AHSG: variants seen among roughly 807,000 people sequenced by gnomAD.
AHSG encodes the protein alpha 2-HS glycoprotein.
In AHSG, 23 loss-of-function variants were observed where a neutral mutation model predicts 30.1. The ratio of observed to expected loss-of-function variants is 0.76; its 90% CI spans 0.55 to 1.08. AHSG has a LOEUF of 1.08. Ranked by LOEUF, AHSG falls within the 50% of genes least tolerant of loss-of-function variation. The pLI is 0.00. For synonymous variants in AHSG, 164 were observed against 186.3 expected (o/e 0.88, Z 0.98); for missense variants, 469 against 459.5 (o/e 1.02, Z -0.19).
In AHSG at chr3:186,613,069, C is replaced by T. The variant is rs1716186640; in HGVS notation, c.-73C>T. 1.4e-6 allele frequency: 2 copies of T among 1,411,474 alleles called. No individual in the cohort carries two copies. The highest frequency in any genetic ancestry group is 4.7e-5 in the East Asian group (2 of 42,568). The allele number at this position is 1,411,474 out of a possible 1,614,324, so 87.4% of individuals were successfully genotyped here. ...ACCACCCTCCATGGGTCTACCTTTC[C>T]CAGCAGAGCACCTGGGTTGGTCCCG... On this transcript the variant is annotated 5_prime_UTR_variant, in exon 1 of 7. Transcript: ENST00000411641.
At chr3:186,616,872 G>C (rs1017270121) in intron 3 of AHSG, among the ~76,000 whole-genome samples, 1 of 152,180 alleles carries the variant, frequency 6.6e-6, no homozygotes, top group African/African-American at 2.4e-5. Context: ...TGAGGCAGGA[G>C]AATCGCTTGA....
intron 3 of AHSG, among the ~76,000 whole-genome samples, chr3:186,616,941 GAC>G (rs1189303378): frequency 6.6e-6 from 1 of 152,212 alleles, no homozygotes; most frequent in East Asian, 1.9e-4. Flanking sequence ...CAGCCTGAGT[GAC>G]ACAGAGTGAG....
Position 186,616,490 on chromosome 3 carries a change from G to C in AHSG, c.372G>C (p.Lys124Asn). 6.2e-7 allele frequency: 1 copy of C among 1,613,240 alleles called. No homozygotes were observed. The highest frequency in any genetic ancestry group is 8.5e-7 in the Non-Finnish European group (1 of 1,179,616). ...TCCAGCTGTTGAAACTAGATGGCAA[G>C]TTTTCCGTGGTATACGCAAAATGTG... The part of the protein sequence containing the change: ...CDFQLLKLDG[K>N]FSVVYAKCDS... Residue 124 changes from lysine (K) to asparagine (N), a missense_variant, in exon 3 of 7, where the codon AAG becomes AAC. Coordinates refer to ENST00000411641, the MANE Select transcript of AHSG (RefSeq NM_001622.4).
rs1323780647 is a variant in AHSG, at chr3:186,620,617, C to A, written c.791C>A (p.Ala264Asp). ...AGCTCACAGCCCCAACCAGAAGGTG[C>A]CAATGAAGCAGTCCCCACACCCGTG... ...PVSSQPQPEG[A>D]NEAVPTPVVD... Residue 264 changes from alanine (A) to aspartate (D), a missense_variant, in exon 7 of 7, where the codon GCC becomes GAC. By Grantham distance (126) the Ala-to-Asp change is moderately radical (BLOSUM62 -2). Coordinates refer to ENST00000411641, the MANE Select transcript of AHSG (RefSeq NM_001622.4). 6.2e-7 allele frequency: 1 copy of A among 1,606,576 alleles called. No individual in the cohort carries two copies. Among genetic ancestry groups the A allele is most frequent in the Non-Finnish European group, 8.5e-7 (1 of 1,173,882 alleles).
In AHSG at chr3:186,613,336, A is replaced by G. The variant is rs1716201754; in HGVS notation, c.195A>G (p.Glu65=). ...AACACACCTTGAACCAGATTGATGAAGTAAAGGTGTGGCCTCAGGTAAGTG... is the reference window on the plus strand; with the variant it reads ...AACACACCTTGAACCAGATTGATGAGGTAAAGGTGTGGCCTCAGGTAAGTG... The part of the protein sequence containing the change: ...GYKHTLNQID[E]VKVWPQQPSG... The change falls in exon 1 of 7, where the codon GAA becomes GAG. Residue 65 remains glutamate (E), a synonymous_variant. Transcript: ENST00000411641. 1 of 1,613,674 alleles carries G rather than the reference A, an allele frequency of 6.2e-7. No homozygotes were observed. Among genetic ancestry groups the G allele is most frequent in the African/African-American group, 1.3e-5 (1 of 75,058 alleles).
rs533659730 is a variant in AHSG, at chr3:186,617,600, G to A, written c.573+250G>A. Reference sequence around the variant, plus strand: ...GTAACGTCCAGCAGCCACAGCTGCCGGCAGGTACATCCCCACTCCCTCCGT... The same window carrying A: ...GTAACGTCCAGCAGCCACAGCTGCCAGCAGGTACATCCCCACTCCCTCCGT... On this transcript the variant is annotated intron_variant, in intron 4 of 6. Transcript: ENST00000411641. 1.3e-4 allele frequency: 85 copies of A among 634,206 alleles called. No homozygotes were observed. The South Asian group carries it at 1.6e-3, about 12-fold the overall frequency. 39.3% of individuals were successfully genotyped at this position (634,206 alleles called of 1,614,324 possible).
chr3:186,620,762 G>T lies in AHSG; in HGVS notation c.936G>T (p.Ala312=). 6.2e-7 allele frequency: 1 copy of T among 1,614,156 alleles called. No individual in the cohort carries two copies. The highest frequency in any genetic ancestry group is 1.1e-5 in the South Asian group (1 of 91,070). ...AAPPGHQLHR[A]HYDLRHTFMG... ...CTCCAGGACACCAGTTGCACCGGGC[G>T]CACTACGACCTGCGCCACACCTTCA... The change falls in exon 7 of 7, where the codon GCG becomes GCT. Residue 312 remains alanine (A), a synonymous_variant. Coordinates refer to ENST00000411641, the MANE Select transcript of AHSG (RefSeq NM_001622.4).
Position 186,620,925 on chromosome 3 carries a change from G to C in AHSG, c.1099G>C (p.Val367Leu). Residue 367 changes from valine to leucine, a missense_variant, in exon 7 of 7, where the codon GTC (valine) becomes CTC (leucine). Coordinates refer to ENST00000411641, the MANE Select transcript of AHSG (RefSeq NM_001622.4). Reference protein sequence around the residue: ...PCPGRIRHFKV With the variant: ...PCPGRIRHFKL Reference sequence around the variant, plus strand: ...TCCGGGGAGGATCAGACACTTCAAGGTCTAGGCTAGACATGGCAGAGATGA... The same window carrying C: ...TCCGGGGAGGATCAGACACTTCAAGCTCTAGGCTAGACATGGCAGAGATGA... The C allele has an allele frequency of 1.2e-6, 2 of 1,610,774 alleles. No individual in the cohort carries two copies. The highest frequency in any genetic ancestry group is 8.5e-7 in the Non-Finnish European group (1 of 1,177,368).
At chr3:186,613,488 G>A in intron 1 of AHSG, 134 bp downstream of exon 1, 1 of 878,148 alleles carries the variant, frequency 1.1e-6, no homozygotes, top group African/African-American at 1.7e-5. Context: ...CCAGGAGTGA[G>A]GGAAGGGGCA....
rs552763247 is a variant in AHSG at position 186,615,601 on chromosome 3, A to G, written c.214-84A>G. On this transcript the variant is annotated intron_variant, in intron 1 of 6. Coordinates refer to ENST00000411641, the MANE Select transcript of AHSG (RefSeq NM_001622.4). ...ACCTCTCCAAAAGCGGGGTGCTCTC[A>G]AGCCCAATGAGGGCGCATACCGTGG... The G allele has an allele frequency of 2.5e-5, 28 of 1,103,772 alleles. No individual in the cohort carries two copies. The African/African-American group carries it at 4.0e-4, about 16-fold the overall frequency. 68.4% of individuals were successfully genotyped at this position (1,103,772 alleles called of 1,614,324 possible).
In AHSG at chr3:186,620,640, G is replaced by A. The variant is rs146649814; in HGVS notation, c.814G>A (p.Val272Met). ...EGANEAVPTP[V>M]VDPDAPPSPP... ...TGCCAATGAAGCAGTCCCCACACCC[G>A]TGGTGGACCCAGATGCACCTCCGTC... The change falls in exon 7 of 7, where the codon GTG becomes ATG. Residue 272 changes from valine (V) to methionine (M), a missense_variant. Coordinates refer to ENST00000411641, the MANE Select transcript of AHSG (RefSeq NM_001622.4). 63 of 1,613,536 alleles carry A rather than the reference G, an allele frequency of 3.9e-5. No homozygotes were observed. The highest frequency in any genetic ancestry group is 2.3e-4 in the African/African-American group (17 of 75,010).
chr3:186,615,982 G>T (rs1221559407), intron 2 of AHSG, among the ~76,000 whole-genome samples, 187 bp downstream of exon 2: 1 of 152,134 alleles, frequency 6.6e-6, no homozygotes, highest in Admixed American at 6.5e-5. Flanking sequence ...GATCGCCTGA[G>T]GTCAGGAGTT....
At chr3:186,615,379 T>G (rs1394107192) in intron 1 of AHSG, among the ~76,000 whole-genome samples, 1 of 152,184 alleles carries the variant, frequency 6.6e-6, no homozygotes, top group East Asian at 1.9e-4. Flanking sequence ...ATTTGTAGTT[T>G]TCAAATAGAG....
rs1325602437 is a variant in AHSG, at chr3:186,620,015, T to C, written c.759+75T>C. The C allele has an allele frequency of 4.5e-6, 5 of 1,103,062 alleles. No homozygotes were observed. In the East Asian group the frequency reaches 1.2e-4, roughly 27 times the overall value. The allele number at this position is 1,103,062 out of a possible 1,614,324, so 68.3% of individuals were successfully genotyped here. A position where few individuals can be genotyped will look rare whatever the true frequency, so the allele number is the denominator to read the frequency against. On this transcript the variant is annotated intron_variant, in intron 6 of 6. Transcript: ENST00000411641. ...CCTTCACATTTATGCAGTGCAGTAG[T>C]GATGACAGGACATTTGCTCTCCTGT...
Position 186,618,596 on chromosome 3 carries a change from G to A in AHSG, c.634G>A (p.Glu212Lys). 6.2e-7 allele frequency: 1 copy of A among 1,614,126 alleles called. No homozygotes were observed. The highest frequency in any genetic ancestry group is 8.5e-7 in the Non-Finnish European group (1 of 1,180,004). Residue 212 changes from glutamate (E) to lysine (K), a missense_variant, in exon 5 of 7, where the codon GAG (glutamate) becomes AAG (lysine). Transcript: ENST00000411641. ...TVSGTDCVAK[E>K]ATEAAKCNLL... ...GTCTGGCACTGACTGTGTTGCTAAA[G>A]AGGCCACAGAGGCAGCCAAGTGTAA...
At chr3:186,620,362 C>T (rs1258109101) in intron 6 of AHSG, among the ~76,000 whole-genome samples, 1 of 152,160 alleles carries the variant, frequency 6.6e-6, no homozygotes, top group Admixed American at 6.5e-5. Context: ...AGTCCACCAT[C>T]ACAAAGACAA....
Position 186,618,542 on chromosome 3 carries a change from C to T in AHSG, c.580C>T (p.Pro194Ser). The change falls in exon 5 of 7, where the codon CCA (proline) becomes TCA (serine). Residue 194 changes from proline (P) to serine (S), a missense_variant. Pro to Ser is a moderately conservative substitution (Grantham distance 74, BLOSUM62 -1). Transcript: ENST00000411641. ...EISRAQLVPL[P>S]PSTYVEFTVS... The stretch of plus-strand genomic sequence containing the variant: ...TTTCATGTACTCTTCTCAGCCCCTC[C>T]CACCTTCTACCTATGTGGAGTTTAC... 1 of 1,613,544 alleles carries T rather than the reference C, an allele frequency of 6.2e-7. No individual in the cohort carries two copies. Among genetic ancestry groups the T allele is most frequent in the Non-Finnish European group, 8.5e-7 (1 of 1,179,526 alleles).
Position 186,621,015 on chromosome 3 carries a change from G to C in AHSG, c.*85G>C. 7.5e-7 allele frequency: 1 copy of C among 1,340,608 alleles called. No homozygotes were observed. Among genetic ancestry groups the C allele is most frequent in the Non-Finnish European group, 1.0e-6 (1 of 971,226 alleles). The allele number at this position is 1,340,608 out of a possible 1,614,324, so 83.0% of individuals were successfully genotyped here. On this transcript the variant is annotated 3_prime_UTR_variant, in exon 7 of 7. Coordinates refer to ENST00000411641, the MANE Select transcript of AHSG (RefSeq NM_001622.4). ...AGCCTGGGCATGGGTGGGGGGCCTT[G>C]TCTGCTGGCCACGCAAGTGTCACAT...
At chr3:186,615,846 C>T (rs765110845) in intron 2 of AHSG, 51 bp downstream of exon 2, 1 of 1,505,456 alleles carries the variant, frequency 6.6e-7, no homozygotes, top group Non-Finnish European at 9.2e-7. Context: ...CCAGCTCCAC[C>T]GATTCACCCA....
Sources: allele counts gnomAD v4.1 joint callset (sites outside exome capture counted in the v4.1 genomes callset), GRCh38; gene constraint gnomAD v4.1.1; transcripts MANE v1.5; gene names NCBI Gene and HGNC (gene_info 2026-07-23, HGNC 2026-07-21).